The following SPHKAP variants were observed in gnomAD, a reference collection of about 807,000 sequenced individuals.
SPHKAP encodes the protein A-kinase anchor protein SPHKAP.
A neutral mutation model predicts 137.5 loss-of-function variants in SPHKAP; 67 were observed. The observed-to-expected ratio is 0.49, with a 90% CI of 0.40 to 0.60. The LOEUF (loss-of-function observed/expected upper bound fraction) is 0.60. Ranked by LOEUF, SPHKAP falls within the 20% of genes least tolerant of loss-of-function variation. The pLI is 0.00. For synonymous variants in SPHKAP, 813 were observed against 785.3 expected (o/e 1.04, Z -0.59); for missense variants, 2,097 against 2,069.3 (o/e 1.01, Z -0.26).
At chr2:228,134,130 G>GAA (rs1373189426) in intron 1 of SPHKAP, among the ~76,000 whole-genome samples, 37 of 62,842 alleles carry the variant, frequency 5.9e-4, no homozygotes, top group Admixed American at 3.0e-3. Context: ...GAGAGAGAAA[G>GAA]AAAGAGAAAG....
chr2:227,983,595 G>A (rs760237872), intron 11 of SPHKAP, among the ~76,000 whole-genome samples: 4 of 151,258 alleles, frequency 2.6e-5, no homozygotes, highest in African/African-American at 7.3e-5. Flanking sequence ...AAGACCAAGC[G>A]TGAGTCAAAT....
intron 3 of SPHKAP, among the ~76,000 whole-genome samples, chr2:228,107,830 A>C (rs1407369948): frequency 1.3e-5 from 2 of 152,302 alleles, no homozygotes; most frequent in African/African-American, 4.8e-5. Context: ...GCCAGCAACT[A>C]ATTTTCTGGA....
At chr2:227,992,363 A>G (rs369443571) in intron 9 of SPHKAP, among the ~76,000 whole-genome samples, 1 of 152,192 alleles carries the variant, frequency 6.6e-6, no homozygotes, top group Admixed American at 6.5e-5. Flanking sequence ...TCTCTATGCA[A>G]GTGACATAGG....
At chr2:228,128,991 G>A (rs746735111) in intron 2 of SPHKAP, among the ~76,000 whole-genome samples, 5 of 152,136 alleles carry the variant, frequency 3.3e-5, no homozygotes, top group African/African-American at 4.8e-5. Context: ...TAGTAAATGA[G>A]CATTGGCCGT....
intron 8 of SPHKAP, among the ~76,000 whole-genome samples, chr2:227,994,515 G>A (rs547057390): frequency 2.6e-5 from 4 of 151,434 alleles, no homozygotes; most frequent in Admixed American, 2.6e-4. Context: ...CGTGTAGTGG[G>A]ACGGCTTTCT....
At chr2:228,130,343 C>G (rs912345205) in intron 2 of SPHKAP, among the ~76,000 whole-genome samples, 1 of 152,096 alleles carries the variant, frequency 6.6e-6, no homozygotes, top group Non-Finnish European at 1.5e-5. Flanking sequence ...TGATAGAGAT[C>G]TTTATTTTGA....
chr2:228,087,393 A>G (rs1214375893), intron 3 of SPHKAP, among the ~76,000 whole-genome samples: 1 of 152,194 alleles, frequency 6.6e-6, no homozygotes. Context: ...AAATTATGAG[A>G]CATGCAAAGA....
In SPHKAP at chr2:228,092,261, ACGTACACACACACG is replaced by A. The variant is rs1415503513; in HGVS notation, c.246+16557_246+16570del. On this transcript the variant is annotated intron_variant, in intron 3 of 11. Coordinates refer to ENST00000392056, the MANE Select transcript of SPHKAP (RefSeq NM_001142644.2). ...TATACACACGTGTATATGTGTGTAT[ACGTACACACACACG>A]TGTATGTGCGTGTATACGTGCACAC... Among the ~76,000 whole-genome samples the A allele has an allele frequency of 4.9e-5, 7 of 142,904 alleles. No individual in the cohort carries two copies. In the East Asian group the frequency reaches 1.0e-3, roughly 21 times the overall value. The allele number at this position is 142,904 out of a possible 152,430, so 93.8% of individuals were successfully genotyped here. A position where few individuals can be genotyped will look rare whatever the true frequency, so the allele number is the denominator to read the frequency against.
At chr2:228,171,766 G>A (rs1700592003) in intron 1 of SPHKAP, among the ~76,000 whole-genome samples, 1 of 152,124 alleles carries the variant, frequency 6.6e-6, no homozygotes, top group Non-Finnish European at 1.5e-5. Flanking sequence ...GGCAGGAACT[G>A]GGTCTTTCTT....
intron 2 of SPHKAP, among the ~76,000 whole-genome samples, chr2:228,122,639 G>C (rs1340307391): frequency 2.6e-5 from 4 of 152,170 alleles, no homozygotes; most frequent in South Asian, 4.1e-4. Flanking sequence ...CCACCTCTCT[G>C]TTTCTGCGTG....
At chr2:228,078,380 C>CT (rs11322966) in intron 3 of SPHKAP, among the ~76,000 whole-genome samples, 2,919 of 128,150 alleles carry the variant, frequency 0.023, 70 homozygotes, top group African/African-American at 0.049. Context: ...TGTTGGCAGA[C>CT]TTTTTTTTTT....
At chr2:228,045,336 T>G (rs1276877618) in intron 3 of SPHKAP, among the ~76,000 whole-genome samples, 2 of 140,664 alleles carry the variant, frequency 1.4e-5, no homozygotes, top group Non-Finnish European at 3.1e-5. Flanking sequence ...TAGCAAAGAC[T>G]TGGAACCAAC....
intron 3 of SPHKAP, among the ~76,000 whole-genome samples, chr2:228,038,280 T>C (rs1451183829): frequency 1.3e-5 from 2 of 152,100 alleles, no homozygotes; most frequent in Admixed American, 1.3e-4. Context: ...AAGGCTGAAT[T>C]TGAGGTGAGC....
At chr2:228,161,318 A>G (rs1700265996) in intron 1 of SPHKAP, among the ~76,000 whole-genome samples, 1 of 152,318 alleles carries the variant, frequency 6.6e-6, no homozygotes. Context: ...CTCACATGAG[A>G]CCTTTGAGGT....
chr2:228,009,233 C>A lies in SPHKAP; in HGVS notation c.4448+7173G>T, dbSNP rs190694577. Among the ~76,000 whole-genome samples, 778 of 152,178 alleles carry A rather than the reference C, an allele frequency of 5.1e-3. 5 individuals are homozygous for A. Among genetic ancestry groups the A allele is most frequent in the Admixed American group, 6.4e-3 (98 of 15,290 alleles). ...TACATTGTTTCTGATAAGAAATCTG[C>A]AGTTTTATTTGTGCTTCTTAGTATA... On this transcript the variant is annotated intron_variant, in intron 7 of 11. Coordinates refer to ENST00000392056, the MANE Select transcript of SPHKAP (RefSeq NM_001142644.2).
intron 7 of SPHKAP, among the ~76,000 whole-genome samples, chr2:228,006,005 A>G (rs1056643861): frequency 3.9e-5 from 6 of 151,982 alleles, no homozygotes; most frequent in African/African-American, 1.5e-4. Context: ...GATGAATGTG[A>G]CAATTATGTG....
chr2:228,044,089 A>G (rs1236240684), intron 3 of SPHKAP, among the ~76,000 whole-genome samples: 1 of 152,192 alleles, frequency 6.6e-6, no homozygotes, highest in East Asian at 1.9e-4. Flanking sequence ...CATCTCTCAT[A>G]TGTTTGACAA....
At chr2:228,091,760 A>T (rs992314021) in intron 3 of SPHKAP, among the ~76,000 whole-genome samples, 20 of 151,432 alleles carry the variant, frequency 1.3e-4, no homozygotes, top group African/African-American at 4.6e-4. Context: ...ATCAAAAAAT[A>T]AAAAAAAATA....
Position 228,019,506 on chromosome 2 carries a change from T to C in SPHKAP, c.1348A>G (p.Ile450Val), listed in dbSNP as rs868198595. The C allele has an allele frequency of 8.7e-6, 14 of 1,613,946 alleles. No individual in the cohort carries two copies. In the Middle Eastern group the frequency reaches 9.9e-4, roughly 114 times the overall value. ...CCATCTGGACTCTGAACAACGACGA[T>C]TTTGGGGAGCTCATTCCATGACCGA... is the stretch of plus-strand genomic sequence containing the variant. Reference protein sequence around the residue: ...VSRSWNELPKIVVVQSPDGSD... With the variant: ...VSRSWNELPKVVVVQSPDGSD... Residue 450 changes from isoleucine to valine, a missense_variant, in exon 7 of 12, where the codon ATC (isoleucine) becomes GTC (valine). Physicochemically the swap from Ile to Val is conservative, Grantham distance 29. Coordinates refer to ENST00000392056, the MANE Select transcript of SPHKAP (RefSeq NM_001142644.2).
Sources: gnomAD v4.1 joint callset for allele counts (sites outside exome capture counted in the v4.1 genomes callset) on GRCh38, gnomAD v4.1.1 for gene constraint, MANE v1.5 for transcripts, NCBI Gene and HGNC (gene_info 2026-07-23, HGNC 2026-07-21) for gene names.